Variants in FHIP1A observed in about 807,000 individuals in gnomAD.
FHIP1A encodes the protein FHF complex subunit HOOK interacting protein 1A.
FHIP1A carries 61 observed loss-of-function variants against 88.6 expected under a neutral mutation model. That is an observed-to-expected ratio of 0.69 (90% CI 0.56 to 0.85). FHIP1A has a LOEUF of 0.85. Among genes scored for constraint, FHIP1A ranks in the 40% least tolerant of loss-of-function variants. The pLI is 0.00. For missense variants in FHIP1A, 1,154 were observed against 1,273.5 expected (o/e 0.91, Z 1.43); for synonymous variants, 478 against 496.0 (o/e 0.96, Z 0.48).
intron 3 of FHIP1A, among the ~76,000 whole-genome samples, chr4:151,528,947 G>A (rs1056795213): frequency 3.9e-5 from 6 of 152,036 alleles, no homozygotes; most frequent in African/African-American, 1.5e-4. Context: ...TTGTAACTGG[G>A]GTGTTCTACC....
At chr4:151,657,725 G>C (rs1578872430) in intron 13 of FHIP1A, among the ~76,000 whole-genome samples, 1 of 152,188 alleles carries the variant, frequency 6.6e-6, no homozygotes, top group African/African-American at 2.4e-5. Context: ...AGTGGGGAGA[G>C]TAAGGCTCTC....
chr4:151,530,396 A>G (rs768133428), intron 3 of FHIP1A, among the ~76,000 whole-genome samples: 5 of 152,172 alleles, frequency 3.3e-5, no homozygotes, highest in Admixed American at 6.5e-5. Context: ...ACTAGATGAA[A>G]GTGGGTACCC....
At position 151,438,622 on chromosome 4, in the gene FHIP1A, T is replaced by TTTTTTA. The variant is rs10642156; in HGVS notation, c.-355-16079_-355-16078insTTTTTA. Among the ~76,000 whole-genome samples the TTTTTTA allele has an allele frequency of 1.5e-4, 23 of 149,738 alleles. No individual in the cohort carries two copies. The East Asian group carries it at 4.7e-3, about 31-fold the overall frequency. Reference sequence around the variant, plus strand: ...GTTTTTGCCTTTTTTTTTTTTTTTTTAAAGGCAAAAATTGTGATTACTTTT... The same window carrying TTTTTTA: ...GTTTTTGCCTTTTTTTTTTTTTTTTTTTTTTAAAAGGCAAAAATTGTGATTACTTTT... On this transcript the variant is annotated intron_variant, in intron 1 of 13. Coordinates refer to ENST00000435205, the MANE Select transcript of FHIP1A (RefSeq NM_001109977.3).
Position 151,669,666 on chromosome 4 carries a change from A to T in FHIP1A, c.*6912A>T, listed in dbSNP as rs145814983. The T allele has an allele frequency of 6.6e-6, 1 of 152,180 alleles. No homozygotes were observed. The highest frequency in any genetic ancestry group is 2.4e-5 in the African/African-American group (1 of 41,446). The allele number at this position is 152,180 out of a possible 1,614,324, so 9.4% of individuals were successfully genotyped here. A position where few individuals can be genotyped will look rare whatever the true frequency, so the allele number is the denominator to read the frequency against. ...CTTGTAGAGAGATTTGGTGAAAATCATGTTACTTTAGACCCAGTAGTTTTC... is the reference window on the plus strand; with the variant it reads ...CTTGTAGAGAGATTTGGTGAAAATCTTGTTACTTTAGACCCAGTAGTTTTC... On this transcript the variant is annotated 3_prime_UTR_variant, in exon 14 of 14. Coordinates refer to ENST00000435205, the MANE Select transcript of FHIP1A (RefSeq NM_001109977.3).
chr4:151,630,948 G>C (rs1450170069), intron 8 of FHIP1A, among the ~76,000 whole-genome samples: 1 of 152,180 alleles, frequency 6.6e-6, no homozygotes, highest in African/African-American at 2.4e-5. Flanking sequence ...AATTTACTTT[G>C]AGATAAATGA....
intron 1 of FHIP1A, among the ~76,000 whole-genome samples, chr4:151,441,824 T>G (rs937205877): frequency 6.6e-6 from 1 of 152,194 alleles, no homozygotes; most frequent in Admixed American, 6.5e-5. Flanking sequence ...TAAATCAGCT[T>G]TGTTAAGCTC....
In FHIP1A at chr4:151,510,311, G is replaced by C. The variant is rs542328025; in HGVS notation, c.-123+27663G>C. On this transcript the variant is annotated intron_variant, in intron 3 of 13. Transcript: ENST00000435205. ...TTTGTAGAGATGGGGGTCTTACTGT[G>C]TTGCCCAGGCTGGTCTCAAACTCCT... Among the ~76,000 whole-genome samples, 15 of 152,052 alleles carry C rather than the reference G, an allele frequency of 9.9e-5. No individual in the cohort carries two copies. In the South Asian group the frequency reaches 2.9e-3, roughly 30 times the overall value.
intron 7 of FHIP1A, among the ~76,000 whole-genome samples, chr4:151,597,784 A>G (rs773933446): frequency 1.3e-5 from 2 of 152,174 alleles, no homozygotes. Context: ...TGAGCTGCGG[A>G]GGGCTCTGTC....
chr4:151,658,517 G>A (rs6535808), intron 13 of FHIP1A, among the ~76,000 whole-genome samples: 143,714 of 152,290 alleles, frequency 0.94, 67,890 homozygotes, highest in East Asian at 1. Flanking sequence ...CACAGTTAAT[G>A]GGGTTCCAAG....
At chr4:151,627,428 G>A (rs1251477661) in intron 7 of FHIP1A, among the ~76,000 whole-genome samples, 1 of 152,184 alleles carries the variant, frequency 6.6e-6, no homozygotes, top group Non-Finnish European at 1.5e-5. Context: ...GGGGGGAAAA[G>A]CTGATGCTAC....
At chr4:151,551,606 G>A (rs1362676477) in intron 3 of FHIP1A, among the ~76,000 whole-genome samples, 2 of 152,112 alleles carry the variant, frequency 1.3e-5, no homozygotes, top group Non-Finnish European at 2.9e-5. Flanking sequence ...TTTAATAAAT[G>A]GTGCTGGGAA....
Position 151,624,304 on chromosome 4 carries a change from G to A in FHIP1A, c.979-5398G>A, listed in dbSNP as rs535191359. ...TTAAATGCATTGAGAGCAGCTCCAGGGAAGCAGCGCTCAGTGAGGAAGCCA... is the reference window on the plus strand; with the variant it reads ...TTAAATGCATTGAGAGCAGCTCCAGAGAAGCAGCGCTCAGTGAGGAAGCCA... On this transcript the variant is annotated intron_variant, in intron 7 of 13. Coordinates refer to ENST00000435205, the MANE Select transcript of FHIP1A (RefSeq NM_001109977.3). 2.0e-4 allele frequency among the ~76,000 whole-genome samples: 30 copies of A among 152,222 alleles called. No homozygotes were observed. In the East Asian group the frequency reaches 5.0e-3, roughly 26 times the overall value.
At chr4:151,440,263 C>T (rs1356488303) in intron 1 of FHIP1A, among the ~76,000 whole-genome samples, 2 of 152,114 alleles carry the variant, frequency 1.3e-5, no homozygotes, top group African/African-American at 2.4e-5. Flanking sequence ...GTGGGGATTA[C>T]GAGTGTTACA....
intron 2 of FHIP1A, among the ~76,000 whole-genome samples, chr4:151,458,915 C>T (rs1442503478): frequency 6.7e-6 from 1 of 149,976 alleles, no homozygotes; most frequent in Non-Finnish European, 1.5e-5. Flanking sequence ...GAGAAAGTAT[C>T]CTCACAAACT....
At chr4:151,410,771 G>A (rs919449272) in intron 1 of FHIP1A, among the ~76,000 whole-genome samples, 2 of 152,190 alleles carry the variant, frequency 1.3e-5, no homozygotes, top group Non-Finnish European at 2.9e-5. Context: ...CTTTAATACA[G>A]TATACTTGTT....
At chr4:151,544,499 C>T (rs1732410933) in intron 3 of FHIP1A, among the ~76,000 whole-genome samples, 1 of 152,176 alleles carries the variant, frequency 6.6e-6, no homozygotes. Context: ...TTCTCCTTTT[C>T]CTGCTTAGAG....
chr4:151,489,638 G>A (rs1333621627), intron 3 of FHIP1A, among the ~76,000 whole-genome samples: 1 of 152,106 alleles, frequency 6.6e-6, no homozygotes, highest in Non-Finnish European at 1.5e-5. Context: ...CTGTTATCGA[G>A]GCATGGTGGG....
intron 3 of FHIP1A, among the ~76,000 whole-genome samples, chr4:151,549,825 G>T (rs1353297512): frequency 6.6e-6 from 1 of 152,082 alleles, no homozygotes; most frequent in African/African-American, 2.4e-5. Context: ...AAAAATACAT[G>T]TAGTATGGGA....
In FHIP1A at chr4:151,667,793, A is replaced by C. The variant is rs1262784377; in HGVS notation, c.*5039A>C. On this transcript the variant is annotated 3_prime_UTR_variant, in exon 14 of 14. Transcript: ENST00000435205. Reference sequence around the variant, plus strand: ...GTTCACTGTTACCTACACAAGTAACAAGACGGCCAATAGGACCTGTCAGCA... The same window carrying C: ...GTTCACTGTTACCTACACAAGTAACCAGACGGCCAATAGGACCTGTCAGCA... Among the ~76,000 whole-genome samples the C allele has an allele frequency of 3.3e-5, 5 of 152,208 alleles. No individual in the cohort carries two copies. Among genetic ancestry groups the C allele is most frequent in the Non-Finnish European group, 7.3e-5 (5 of 68,042 alleles).
Sources: allele counts gnomAD v4.1 joint callset (sites outside exome capture counted in the v4.1 genomes callset), GRCh38; gene constraint gnomAD v4.1.1; transcripts MANE v1.5; gene names NCBI Gene and HGNC (gene_info 2026-07-23, HGNC 2026-07-21).